Variants in GARIN2 observed in about 807,000 individuals in gnomAD.
GARIN2 encodes the protein golgi associated RAB2 interactor family member 2.
chr14:67,199,663 C>G, the GARIN2 span: 3 of 1,580,066 alleles, frequency 1.9e-6, no homozygotes, highest in Middle Eastern at 1.7e-4. Flanking sequence ...AGAACCCGCT[C>G]TCCCAGCCTG....
the GARIN2 span, among the ~76,000 whole-genome samples, chr14:67,222,654 G>T: frequency 6.6e-6 from 1 of 152,098 alleles, no homozygotes; most frequent in Non-Finnish European, 1.5e-5. Flanking sequence ...AGAATCTTTA[G>T]CCTGTAACGA....
chr14:67,200,441 C>G, the GARIN2 span: 1 of 464,572 alleles, frequency 2.2e-6, no homozygotes, highest in Admixed American at 4.4e-5. Flanking sequence ...TCAGCACCCC[C>G]ACCCCATTCC....
At chr14:67,227,272 T>G in the GARIN2 span, among the ~76,000 whole-genome samples, 2 of 151,850 alleles carry the variant, frequency 1.3e-5, no homozygotes, top group African/African-American at 4.8e-5. Flanking sequence ...AAACCCCATC[T>G]CTACTATAAA....
the GARIN2 span, among the ~76,000 whole-genome samples, chr14:67,213,099 T>G: frequency 3.3e-5 from 5 of 151,216 alleles, 1 homozygote; most frequent in African/African-American, 9.7e-5. Context: ...TGTGGTGTTT[T>G]TTTTTTTTTT....
At chr14:67,225,962 T>TGTGCGCGCGCGC in the GARIN2 span, among the ~76,000 whole-genome samples, 6 of 113,486 alleles carry the variant, frequency 5.3e-5, no homozygotes, top group African/African-American at 3.1e-4. Context: ...TGTGTGTGTG[T>TGTGCGCGCGCGC]GCGCGCGCGC....
chr14:67,208,485 G>C, the GARIN2 span: 2 of 1,588,530 alleles, frequency 1.3e-6, no homozygotes, highest in Non-Finnish European at 1.7e-6. Context: ...GGAATTCTAA[G>C]ACATGAAATA....
At chr14:67,205,773 T>C in the GARIN2 span, among the ~76,000 whole-genome samples, 1 of 152,170 alleles carries the variant, frequency 6.6e-6, no homozygotes, top group Non-Finnish European at 1.5e-5. Context: ...GTGACCGAAG[T>C]CTCCTGTGTA....
the GARIN2 span, among the ~76,000 whole-genome samples, chr14:67,197,825 T>C: frequency 6.6e-6 from 1 of 152,322 alleles, no homozygotes; most frequent in East Asian, 1.9e-4. Context: ...AATAGGTGTC[T>C]CCAGCCCTAT....
At chr14:67,225,800 C>T in the GARIN2 span, among the ~76,000 whole-genome samples, 5 of 152,256 alleles carry the variant, frequency 3.3e-5, no homozygotes, top group African/African-American at 1.2e-4. Flanking sequence ...CTCTGCAGTG[C>T]GTTGCTGAAA....
chr14:67,201,483 G>A, the GARIN2 span: 1 of 456,058 alleles, frequency 2.2e-6, no homozygotes. Context: ...GCTGCCAGCA[G>A]TAGAAGATAT....
the GARIN2 span, among the ~76,000 whole-genome samples, chr14:67,205,379 G>T: frequency 1.3e-5 from 2 of 152,060 alleles, no homozygotes; most frequent in Non-Finnish European, 1.5e-5. Flanking sequence ...TCAACCTGCG[G>T]CTCATATTAC....
the GARIN2 span, among the ~76,000 whole-genome samples, chr14:67,227,170 G>T: frequency 6.6e-6 from 1 of 151,892 alleles, no homozygotes; most frequent in African/African-American, 2.4e-5. Context: ...AGCTGGGCGT[G>T]GTGGCTCACG....
the GARIN2 span, among the ~76,000 whole-genome samples, chr14:67,211,646 C>T: frequency 6.6e-6 from 1 of 151,958 alleles, no homozygotes; most frequent in African/African-American, 2.4e-5. Flanking sequence ...TAAAAAATAA[C>T]CTGGGCAAAG....
the GARIN2 span, among the ~76,000 whole-genome samples, chr14:67,218,110 G>T: frequency 1.3e-5 from 2 of 152,150 alleles, no homozygotes; most frequent in Non-Finnish European, 2.9e-5. Flanking sequence ...TTTGCCAGGG[G>T]TAGGCTCACC....
At chr14:67,211,701 G>A in the GARIN2 span, among the ~76,000 whole-genome samples, 1 of 152,122 alleles carries the variant, frequency 6.6e-6, no homozygotes, top group Non-Finnish European at 1.5e-5. Context: ...AGCTACAGTG[G>A]GAGTACCATC....
At chr14:67,227,449 A>G in the GARIN2 span, 10 of 151,866 alleles carry the variant, frequency 6.6e-5, no homozygotes, top group East Asian at 1.9e-4. Context: ...CAAAAAAAAA[A>G]AAAAAAGAAA....
At chr14:67,199,719 C>T in the GARIN2 span, 6 of 1,580,270 alleles carry the variant, frequency 3.8e-6, no homozygotes, top group Non-Finnish European at 5.2e-6. Flanking sequence ...TCACCCTCTG[C>T]CCCCAATCCT....
At chr14:67,195,430 C>T in the GARIN2 span, among the ~76,000 whole-genome samples, 1 of 152,128 alleles carries the variant, frequency 6.6e-6, no homozygotes, top group South Asian at 2.1e-4. Context: ...TCCTAAATGA[C>T]AGCAGTGGAA....
At chr14:67,199,711 A>G in the GARIN2 span, 1 of 1,583,072 alleles carries the variant, frequency 6.3e-7, no homozygotes. Flanking sequence ...CACCTCCTTC[A>G]CCCTCTGCCC....
Sources: allele counts gnomAD v4.1 joint callset (sites outside exome capture counted in the v4.1 genomes callset), GRCh38; gene constraint gnomAD v4.1.1; transcripts MANE v1.5; gene names NCBI Gene and HGNC (gene_info 2026-07-23, HGNC 2026-07-21).